ZYG11B: variants seen among roughly 807,000 people sequenced by gnomAD.
The protein encoded by ZYG11B is zyg-11 family member B, cell cycle regulator.
Under a neutral mutation model 82.4 loss-of-function variants are expected in ZYG11B, and 36 were observed. That is an observed-to-expected ratio of 0.44 (90% confidence interval 0.33 to 0.58). The LOEUF (loss-of-function observed/expected upper bound fraction) is 0.58, where lower values mean the gene tolerates loss of function less well. ZYG11B is among the 20% of genes least tolerant of loss of function. The pLI, the probability that ZYG11B is intolerant of heterozygous loss-of-function variation, is 0.02. For missense variants in ZYG11B, 552 were observed against 895.6 expected (o/e 0.62, Z 4.90); for synonymous variants, 303 against 312.8 (o/e 0.97, Z 0.33).
chr1:52,815,659 G>A (rs780470312), intron 12 of ZYG11B, among the ~76,000 whole-genome samples: 1 of 151,882 alleles, frequency 6.6e-6, no homozygotes, highest in Non-Finnish European at 1.5e-5. Flanking sequence ...AATAGGCCGG[G>A]CATGGTGGCT....
intron 1 of ZYG11B, among the ~76,000 whole-genome samples, chr1:52,743,382 C>G (rs1045083438): frequency 1.1e-5 from 1 of 90,092 alleles, no homozygotes; most frequent in African/African-American, 4.3e-5. Flanking sequence ...GAGAAACACC[C>G]AAGAATGATC....
rs775207094 is a variant in ZYG11B, at chr1:52,821,675, A to T, written c.*46A>T. Reference sequence around the variant, plus strand: ...TTGAATCACAGGAATCCTTTTTGTGATTGGTCCATTTGGAATATCTTACCC... The same window carrying T: ...TTGAATCACAGGAATCCTTTTTGTGTTTGGTCCATTTGGAATATCTTACCC... On this transcript the variant is annotated 3_prime_UTR_variant, in exon 14 of 14. Coordinates refer to ENST00000294353, the MANE Select transcript of ZYG11B (RefSeq NM_024646.3). 1.9e-6 allele frequency: 3 copies of T among 1,541,612 alleles called. No homozygotes were observed. Among genetic ancestry groups the T allele is most frequent in the Admixed American group, 1.9e-5 (1 of 52,124 alleles).
intron 13 of ZYG11B, among the ~76,000 whole-genome samples, chr1:52,817,789 A>ATG (rs1645241499): frequency 3.1e-5 from 1 of 32,666 alleles, no homozygotes; most frequent in Non-Finnish European, 6.8e-5. Context: ...ATATATATAT[A>ATG]TATATATATA....
intron 13 of ZYG11B, 42 bp from the exon 14 acceptor site, chr1:52,821,397 G>A (rs1645282409): frequency 1.3e-6 from 2 of 1,512,940 alleles, no homozygotes; most frequent in Non-Finnish European, 1.8e-6. Flanking sequence ...TTTAAGAAAA[G>A]CTATTTCTCC....
Position 52,823,525 on chromosome 1 carries a change from T to C in ZYG11B, c.*1896T>C, listed in dbSNP as rs1474933007. On this transcript the variant is annotated 3_prime_UTR_variant, in exon 14 of 14. Transcript: ENST00000294353. ...TAGAGAATTCTTTTAAAAGTTTTTT[T>C]TTTTTTTTTCCTTTTTCGAATGTTA... The C allele has an allele frequency of 2.0e-5, 3 of 151,902 alleles. No individual in the cohort carries two copies. Among genetic ancestry groups the C allele is most frequent in the Non-Finnish European group, 4.4e-5 (3 of 67,970 alleles). 9.4% of individuals were successfully genotyped at this position (151,902 alleles called of 1,614,324 possible).
chr1:52,726,469 T>G lies in ZYG11B; in HGVS notation c.-185T>G, dbSNP rs1644283823. The G allele has an allele frequency of 5.8e-6, 3 of 515,474 alleles. No individual in the cohort carries two copies. Among genetic ancestry groups the G allele is most frequent in the Non-Finnish European group, 9.0e-6 (3 of 334,514 alleles). 31.9% of individuals were successfully genotyped at this position (515,474 alleles called of 1,614,324 possible). On this transcript the variant is annotated 5_prime_UTR_variant, in exon 1 of 14. Transcript: ENST00000294353. ...CGCGGGGGCGGAGTCTGCGCTCTGG[T>G]TCGGGCTGCGGCTGCGGCTGCGGCT...
intron 1 of ZYG11B, among the ~76,000 whole-genome samples, chr1:52,730,907 G>A (rs1317319939): frequency 1.3e-5 from 2 of 151,798 alleles, no homozygotes; most frequent in Non-Finnish European, 2.9e-5. Context: ...GGAATAGTTA[G>A]GAGTAGCTTT....
In ZYG11B at chr1:52,741,298, CA is replaced by C. The variant is rs770092920; in HGVS notation, c.30+14636del. Among the ~76,000 whole-genome samples the C allele has an allele frequency of 2.0e-3, 146 of 72,212 alleles. 1 individual carries two copies. The highest frequency in any genetic ancestry group is 2.7e-3 in the Non-Finnish European group (100 of 36,628). The allele number at this position is 72,212 out of a possible 152,430, so 47.4% of individuals were successfully genotyped here. Reference sequence around the variant, plus strand: ...GGGGCAAAAGAGTGAGACTTCGTCTCAAAAAAAAAAAAAAAAAAAAAGAAAA... The same window carrying C: ...GGGGCAAAAGAGTGAGACTTCGTCTCAAAAAAAAAAAAAAAAAAAAGAAAA... On this transcript the variant is annotated intron_variant, in intron 1 of 13. Transcript: ENST00000294353.
At chr1:52,803,515 C>G (rs944297209) in intron 10 of ZYG11B, among the ~76,000 whole-genome samples, 15 of 149,130 alleles carry the variant, frequency 1.0e-4, no homozygotes, top group Non-Finnish European at 1.0e-4. Flanking sequence ...AAGATTTTTG[C>G]CACATTAAAA....
intron 7 of ZYG11B, 96 bp downstream of exon 7, chr1:52,796,487 A>C: frequency 1.8e-6 from 2 of 1,094,420 alleles, no homozygotes; most frequent in South Asian, 2.9e-5. Context: ...AACATTAGTA[A>C]ATCTCTCTGC....
intron 2 of ZYG11B, among the ~76,000 whole-genome samples, chr1:52,765,384 G>T (rs1377961331): frequency 6.6e-6 from 1 of 151,510 alleles, no homozygotes; most frequent in African/African-American, 2.4e-5. Context: ...TTAAAAATTT[G>T]TAATGGAGAT....
At chr1:52,738,801 T>C (rs1023019143) in intron 1 of ZYG11B, among the ~76,000 whole-genome samples, 40 of 151,478 alleles carry the variant, frequency 2.6e-4, no homozygotes, top group African/African-American at 9.2e-4. Flanking sequence ...GTATTTTTAG[T>C]AGAGACGGGG....
chr1:52,818,928 G>A (rs1408004103), intron 13 of ZYG11B, among the ~76,000 whole-genome samples: 1 of 151,836 alleles, frequency 6.6e-6, no homozygotes, highest in Non-Finnish European at 1.5e-5. Flanking sequence ...CGAGTAACTG[G>A]GACTACAGGA....
chr1:52,801,951 G>A lies in ZYG11B; in HGVS notation c.1618G>A (p.Gly540Arg). ...TTGTAGACACTTTATTGAAAACCAA[G>A]GGTTAGAACTCTTCATGAGGGTTCT... ...TTCRHFIENQ[G>R]LELFMRVLES... The change falls in exon 9 of 14, where the codon GGG (glycine) becomes AGG (arginine). Residue 540 changes from glycine (G) to arginine (R), a missense_variant. By Grantham distance (125) the Gly-to-Arg change is moderately radical. Coordinates refer to ENST00000294353, the MANE Select transcript of ZYG11B (RefSeq NM_024646.3). The A allele has an allele frequency of 6.2e-7, 1 of 1,609,148 alleles. No individual in the cohort carries two copies. Among genetic ancestry groups the A allele is most frequent in the Non-Finnish European group, 8.5e-7 (1 of 1,178,746 alleles).
At chr1:52,813,020 C>G (rs1444137337) in intron 10 of ZYG11B, among the ~76,000 whole-genome samples, 2 of 152,174 alleles carry the variant, frequency 1.3e-5, no homozygotes, top group African/African-American at 4.8e-5. Flanking sequence ...GGCGTCTTAT[C>G]AGACTTTACC....
At chr1:52,743,880 C>G (rs1644454928) in intron 1 of ZYG11B, among the ~76,000 whole-genome samples, 1 of 152,142 alleles carries the variant, frequency 6.6e-6, no homozygotes, top group African/African-American at 2.4e-5. Flanking sequence ...TAAGTCCCCT[C>G]TACAGGTGTA....
intron 4 of ZYG11B, among the ~76,000 whole-genome samples, chr1:52,782,696 G>A (rs1644866583): frequency 6.6e-6 from 1 of 152,058 alleles, no homozygotes; most frequent in South Asian, 2.1e-4. Flanking sequence ...TCCTGCCTAA[G>A]CCTCCTGAGT....
At chr1:52,749,053 A>C (rs539424898) in intron 1 of ZYG11B, among the ~76,000 whole-genome samples, 1 of 151,712 alleles carries the variant, frequency 6.6e-6, no homozygotes, top group African/African-American at 2.4e-5. Context: ...ATACAAAAAA[A>C]TTAGTTAAGT....
At chr1:52,780,504 A>T (rs183890108) in intron 4 of ZYG11B, among the ~76,000 whole-genome samples, 8 of 152,150 alleles carry the variant, frequency 5.3e-5, no homozygotes, top group East Asian at 3.9e-4. Flanking sequence ...TTAAAAAAAT[A>T]AAAAAAAGAG....
Sources: gnomAD v4.1 joint callset for allele counts (sites outside exome capture counted in the v4.1 genomes callset) on GRCh38, gnomAD v4.1.1 for gene constraint, MANE v1.5 for transcripts, NCBI Gene and HGNC (gene_info 2026-07-23, HGNC 2026-07-21) for gene names.